RGS7: variants seen among roughly 807,000 people sequenced by gnomAD.
RGS7 encodes the protein regulator of G-protein signaling 7.
Under a neutral mutation model 81.1 loss-of-function variants are expected in RGS7, and 27 were observed. That is an observed-to-expected ratio of 0.33 (90% CI 0.25 to 0.46). The LOEUF (loss-of-function observed/expected upper bound fraction) is 0.46, where lower values mean the gene tolerates loss of function less well. RGS7 is among the 20% of genes least tolerant of loss of function. The pLI is 1.00. For synonymous variants in RGS7, 208 were observed against 207.7 expected (o/e 1.00, Z -0.01); for missense variants, 396 against 607.4 (o/e 0.65, Z 3.66).
At chr1:241,097,386 C>T (rs2064339631) in intron 3 of RGS7, among the ~76,000 whole-genome samples, 1 of 152,018 alleles carries the variant, frequency 6.6e-6, no homozygotes, top group South Asian at 2.1e-4. Context: ...TCCACAGTAG[C>T]TCTCCTCAGC....
intron 4 of RGS7, among the ~76,000 whole-genome samples, chr1:240,946,301 T>C (rs757605570): frequency 2.4e-4 from 37 of 152,136 alleles, no homozygotes; most frequent in Admixed American, 1.3e-3. Flanking sequence ...ACATCAGATG[T>C]TTTTAAAGAA....
At chr1:240,961,130 G>A (rs1447672514) in intron 4 of RGS7, among the ~76,000 whole-genome samples, 4 of 151,940 alleles carry the variant, frequency 2.6e-5, no homozygotes, top group Non-Finnish European at 5.9e-5. Context: ...AAAATTATCT[G>A]TAAAGTAATG....
chr1:241,087,286 T>C (rs2063503830), intron 3 of RGS7, among the ~76,000 whole-genome samples: 1 of 152,196 alleles, frequency 6.6e-6, no homozygotes, highest in Non-Finnish European at 1.5e-5. Flanking sequence ...ATAAAATAAT[T>C]TCAGAGAAGT....
intron 3 of RGS7, among the ~76,000 whole-genome samples, chr1:241,070,159 T>C (rs1024481923): frequency 6.6e-6 from 1 of 152,092 alleles, no homozygotes; most frequent in Non-Finnish European, 1.5e-5. Context: ...TGAAGAGACA[T>C]AACATCTGGA....
chr1:241,282,777 G>T (rs961197322), intron 2 of RGS7, among the ~76,000 whole-genome samples: 1 of 152,076 alleles, frequency 6.6e-6, no homozygotes, highest in African/African-American at 2.4e-5. Context: ...ATCATAAATG[G>T]GTGTTAAATT....
chr1:240,855,412 T>C (rs1332264820), intron 9 of RGS7, among the ~76,000 whole-genome samples: 2 of 150,360 alleles, frequency 1.3e-5, no homozygotes, highest in Non-Finnish European at 3.0e-5. Context: ...ATTTAGATAA[T>C]GTCTTCCTTT....
chr1:241,150,413 C>T (rs924704794), intron 2 of RGS7, among the ~76,000 whole-genome samples: 2 of 151,618 alleles, frequency 1.3e-5, no homozygotes, highest in Non-Finnish European at 2.9e-5. Context: ...GATTTGAAAA[C>T]AAGATAACCA....
At chr1:240,977,702 A>G (rs1684343716) in intron 4 of RGS7, among the ~76,000 whole-genome samples, 1 of 152,224 alleles carries the variant, frequency 6.6e-6, no homozygotes, top group South Asian at 2.1e-4. Context: ...ATTACTCATA[A>G]AACCCTCAAT....
intron 2 of RGS7, among the ~76,000 whole-genome samples, chr1:241,231,318 T>G (rs1410141106): frequency 6.6e-6 from 1 of 152,234 alleles, no homozygotes; most frequent in Non-Finnish European, 1.5e-5. Flanking sequence ...GTACCCCCTC[T>G]AGTTCTAATA....
At chr1:240,917,029 C>T (rs1264541103) in intron 6 of RGS7, among the ~76,000 whole-genome samples, 1 of 151,974 alleles carries the variant, frequency 6.6e-6, no homozygotes, top group Non-Finnish European at 1.5e-5. Flanking sequence ...GGAAACCTTA[C>T]CTGGAGAGAA....
At position 240,868,493 on chromosome 1, in the gene RGS7, G is replaced by T; in HGVS notation, c.609+94C>A. The T allele has an allele frequency of 9.8e-7, 1 of 1,021,694 alleles. No homozygotes were observed. The highest frequency in any genetic ancestry group is 1.6e-6 in the Non-Finnish European group (1 of 644,766). 63.3% of individuals were successfully genotyped at this position (1,021,694 alleles called of 1,614,324 possible). ...CAAGATACCATGGAGCGTGCATGGG[G>T]TCACTACAGTCTTTCACTTACTTTG... On this transcript the variant is annotated intron_variant, in intron 9 of 18. Transcript: ENST00000440928. The surrounding 1 kb of genome is among the most constrained non-coding windows in gnomAD (Gnocchi z 5.1).
chr1:241,306,132 A>T (rs887447852), intron 2 of RGS7, among the ~76,000 whole-genome samples: 1 of 149,424 alleles, frequency 6.7e-6, no homozygotes, highest in Non-Finnish European at 1.5e-5. Flanking sequence ...TCTTTTTCAC[A>T]CACACACACA....
chr1:241,045,044 A>G (rs12727856), intron 3 of RGS7, among the ~76,000 whole-genome samples: 39,187 of 152,030 alleles, frequency 0.26, 5,308 homozygotes, highest in African/African-American at 0.28. Flanking sequence ...GATGGCAATT[A>G]CTTTCTCTTC....
intron 2 of RGS7, among the ~76,000 whole-genome samples, chr1:241,216,101 CT>C (rs1319597775): frequency 4.0e-5 from 6 of 151,690 alleles, no homozygotes; most frequent in Admixed American, 1.3e-4. Flanking sequence ...GAAACCCCAT[CT>C]CTATTAAAAT....
chr1:241,056,065 T>A (rs1420315031), intron 3 of RGS7, among the ~76,000 whole-genome samples: 4 of 152,192 alleles, frequency 2.6e-5, no homozygotes, highest in African/African-American at 9.7e-5. Flanking sequence ...CTGTATGATC[T>A]GGCCCATGAC....
chr1:241,340,513 C>T (rs2082481834), intron 2 of RGS7, among the ~76,000 whole-genome samples: 2 of 152,042 alleles, frequency 1.3e-5, no homozygotes. Flanking sequence ...TAGCTTGCCC[C>T]ATCCGAAAAC....
chr1:240,969,425 T>C (rs555185542), intron 4 of RGS7, among the ~76,000 whole-genome samples: 152 of 152,276 alleles, frequency 1.0e-3, no homozygotes, highest in Non-Finnish European at 1.9e-3. Flanking sequence ...TAGTGGACAG[T>C]GTAGAAATAT....
At chr1:241,053,567 A>T (rs1474438775) in intron 3 of RGS7, among the ~76,000 whole-genome samples, 4 of 152,230 alleles carry the variant, frequency 2.6e-5, no homozygotes, top group Non-Finnish European at 5.9e-5. Context: ...AATATATTTA[A>T]ATGATTCTAC....
At chr1:241,284,092 A>T (rs1413617982) in intron 2 of RGS7, among the ~76,000 whole-genome samples, 2 of 152,076 alleles carry the variant, frequency 1.3e-5, no homozygotes, top group Non-Finnish European at 2.9e-5. Context: ...GCTCCTTTAA[A>T]ATCTTTGTCA....
Sources: allele counts gnomAD v4.1 joint callset (sites outside exome capture counted in the v4.1 genomes callset), GRCh38; gene constraint gnomAD v4.1.1; non-coding constraint Gnocchi (gnomAD v3.1); transcripts MANE v1.5; gene names NCBI Gene and HGNC (gene_info 2026-07-23, HGNC 2026-07-21).